INO80C: variants seen among roughly 807,000 people sequenced by gnomAD.
The protein encoded by INO80C is IES6 homolog.
In INO80C, 17 loss-of-function variants were observed where a neutral mutation model predicts 17.7. That is an observed-to-expected ratio of 0.96 (90% CI 0.66 to 1.44). The LOEUF is 1.44. INO80C is among the 40% of genes most tolerant of loss of function. The pLI, the probability that INO80C is intolerant of heterozygous loss-of-function variation, is 0.00. For synonymous variants in INO80C, 96 were observed against 95.8 expected, an observed-to-expected ratio of 1.00 and a Z score of -0.01; for missense variants, 244 against 245.0, an observed-to-expected ratio of 1.00 and a Z score of 0.03.
chr18:35,470,862 C>T (rs1221765594), intron 4 of INO80C, among the ~76,000 whole-genome samples: 1 of 152,244 alleles, frequency 6.6e-6, no homozygotes, highest in Non-Finnish European at 1.5e-5. Flanking sequence ...ACAGTCCACC[C>T]TCCTCTGGAT....
intron 4 of INO80C, among the ~76,000 whole-genome samples, chr18:35,475,825 C>T (rs1400424144): frequency 6.6e-6 from 1 of 151,820 alleles, no homozygotes; most frequent in African/African-American, 2.4e-5. Flanking sequence ...AAATAGACAA[C>T]AAAATGAAAA....
intron 1 of INO80C, among the ~76,000 whole-genome samples, chr18:35,484,999 C>T (rs1265800487): frequency 3.3e-5 from 5 of 152,114 alleles, no homozygotes; most frequent in African/African-American, 7.2e-5. Flanking sequence ...CCAAGAACAA[C>T]GTGTTGACAA....
chr18:35,482,288 G>T (rs1238984651), intron 1 of INO80C, among the ~76,000 whole-genome samples: 1 of 152,174 alleles, frequency 6.6e-6, no homozygotes. Flanking sequence ...TCTACTCTCA[G>T]CTGGAATTTT....
chr18:35,491,429 G>A (rs1485524815), intron 1 of INO80C, among the ~76,000 whole-genome samples: 1 of 152,156 alleles, frequency 6.6e-6, no homozygotes, highest in East Asian at 1.9e-4. Flanking sequence ...TCCTCTGCCA[G>A]ACCCCCGCTG....
At chr18:35,483,167 GTTAGAT>G (rs2045834058) in intron 1 of INO80C, among the ~76,000 whole-genome samples, 2 of 152,084 alleles carry the variant, frequency 1.3e-5, no homozygotes, top group African/African-American at 2.4e-5. Context: ...TACAACAAAG[GTTAGAT>G]TTAGTTTTTT....
chr18:35,486,080 C>A (rs2045871091), intron 1 of INO80C, among the ~76,000 whole-genome samples: 1 of 152,198 alleles, frequency 6.6e-6, no homozygotes, highest in African/African-American at 2.4e-5. Context: ...TGTGCCACTG[C>A]CTTCCAGCAT....
rs1453887390 is a variant in INO80C at position 35,492,703 on chromosome 18, C to G, written c.156+5016G>C. Among the ~76,000 whole-genome samples the G allele has an allele frequency of 2.6e-5, 4 of 152,016 alleles. No homozygotes were observed. The East Asian group carries it at 7.7e-4, about 29-fold the overall frequency. ...AATCAGTCCAGCATTATCTGGCTGCCCCTCCAATTACAGAAGATTCTCTCA... is the reference window on the plus strand; with the variant it reads ...AATCAGTCCAGCATTATCTGGCTGCGCCTCCAATTACAGAAGATTCTCTCA... On this transcript the variant is annotated intron_variant, in intron 1 of 4. Coordinates refer to ENST00000334598, the MANE Select transcript of INO80C (RefSeq NM_194281.4).
intron 4 of INO80C, 88 bp downstream of exon 4, chr18:35,478,193 AG>A: frequency 1.0e-6 from 1 of 1,002,108 alleles, no homozygotes; most frequent in Non-Finnish European, 1.5e-6. Context: ...AGGCAGGACC[AG>A]CCATGATCAA....
At chr18:35,483,018 T>A (rs2045832070) in intron 1 of INO80C, among the ~76,000 whole-genome samples, 2 of 152,216 alleles carry the variant, frequency 1.3e-5, no homozygotes, top group South Asian at 4.1e-4. Context: ...CTCCCCATCC[T>A]TCCTACATTT....
chr18:35,488,373 G>A (rs1014639809), intron 1 of INO80C, among the ~76,000 whole-genome samples: 5 of 152,228 alleles, frequency 3.3e-5, no homozygotes, highest in Non-Finnish European at 7.3e-5. Context: ...CTGAAATGTA[G>A]GTGGAGGTTC....
chr18:35,472,371 TC>T (rs1227861359), intron 4 of INO80C, among the ~76,000 whole-genome samples: 2 of 152,228 alleles, frequency 1.3e-5, no homozygotes, highest in Non-Finnish European at 2.9e-5. Context: ...GAGCATTTTT[TC>T]ATGTGTTTTT....
intron 4 of INO80C, 59 bp downstream of exon 4, chr18:35,478,223 T>C: frequency 7.9e-7 from 1 of 1,265,500 alleles, no homozygotes; most frequent in East Asian, 2.3e-5. Context: ...ACTTGTCTAA[T>C]TAGACATTAC....
chr18:35,483,763 T>C (rs1160755610), intron 1 of INO80C: 2 of 151,906 alleles, frequency 1.3e-5, no homozygotes, highest in African/African-American at 4.8e-5. Flanking sequence ...GAAGGATAAC[T>C]TGGAAAGAAA....
At chr18:35,497,679 TCGCGA>T (rs770529828) in intron 1 of INO80C, 35 bp downstream of exon 1, 78 of 1,591,252 alleles carry the variant, frequency 4.9e-5, no homozygotes, top group Non-Finnish European at 6.7e-5. Flanking sequence ...AAGTCCCGTT[TCGCGA>T]CGCGCACGCG....
intron 1 of INO80C, among the ~76,000 whole-genome samples, chr18:35,482,119 T>C (rs2045816210): frequency 6.6e-6 from 1 of 152,074 alleles, no homozygotes; most frequent in East Asian, 1.9e-4. Context: ...AGTGGAATGG[T>C]TGGGTTATAG....
chr18:35,496,341 G>A (rs1364420103), intron 1 of INO80C, among the ~76,000 whole-genome samples: 1 of 152,194 alleles, frequency 6.6e-6, no homozygotes, highest in Non-Finnish European at 1.5e-5. Context: ...CTAGACAGAT[G>A]CAAAAGAATA....
At position 35,468,685 on chromosome 18, in the gene INO80C, A is replaced by G. The variant is rs1467419742; in HGVS notation, c.505T>C (p.Tyr169His). The G allele has an allele frequency of 2.5e-6, 4 of 1,614,172 alleles. No homozygotes were observed. Among genetic ancestry groups the G allele is most frequent in the Non-Finnish European group, 3.4e-6 (4 of 1,180,002 alleles). ...ACGTCAGAGGGCAGCCTCCGAATGT[A>G]GGAAAACTCTTCAATGGTGCTGAAC... ...LRFSTIEEFS[Y>H]IRRLPSDVVT... Residue 169 changes from tyrosine (Y) to histidine (H), a missense_variant, in exon 5 of 5, where the codon TAC becomes CAC. Coordinates refer to ENST00000334598, the MANE Select transcript of INO80C (RefSeq NM_194281.4).
chr18:35,469,745 A>G (rs527692009), intron 4 of INO80C, among the ~76,000 whole-genome samples: 29 of 152,336 alleles, frequency 1.9e-4, no homozygotes, highest in African/African-American at 6.7e-4. Context: ...ATGAGGGTCC[A>G]TGAGACAGGA....
At position 35,497,901 on chromosome 18, in the gene INO80C, C is replaced by A; in HGVS notation, c.-27G>T. On this transcript the variant is annotated 5_prime_UTR_variant, in exon 1 of 5. Coordinates refer to ENST00000334598, the MANE Select transcript of INO80C (RefSeq NM_194281.4). ...GCACTCCGAGTCTTCCCCTGGTCCC[C>A]CCACCTTTTTCCCAGCGCGGGCCTT... is the stretch of plus-strand genomic sequence containing the variant. 1 of 1,508,276 alleles carries A rather than the reference C, an allele frequency of 6.6e-7. No individual in the cohort carries two copies. Among genetic ancestry groups the A allele is most frequent in the African/African-American group, 1.4e-5 (1 of 69,348 alleles). 93.4% of individuals were successfully genotyped at this position (1,508,276 alleles called of 1,614,324 possible). A position where few individuals can be genotyped will look rare whatever the true frequency, so the allele number is the denominator to read the frequency against.
Sources: allele counts gnomAD v4.1 joint callset (sites outside exome capture counted in the v4.1 genomes callset), GRCh38; gene constraint gnomAD v4.1.1; transcripts MANE v1.5; gene names NCBI Gene and HGNC (gene_info 2026-07-23, HGNC 2026-07-21).